Variants in IL1RAPL2 observed in about 807,000 individuals in gnomAD.
IL1RAPL2 encodes X-linked interleukin-1 receptor accessory protein-like 2.
In IL1RAPL2, 3 loss-of-function variants were observed where a neutral mutation model predicts 44.1. The ratio of observed to expected loss-of-function variants is 0.07; its 90% CI spans 0.03 to 0.18. IL1RAPL2 has a LOEUF of 0.18. Among genes scored for constraint, IL1RAPL2 ranks in the 10% least tolerant of loss-of-function variants. The probability of loss-of-function intolerance (pLI) is 1.00; values close to 1 mark genes in which losing one functional copy is unlikely to be tolerated. For missense variants in IL1RAPL2, 391 were observed against 496.4 expected (o/e 0.79, Z 2.02); for synonymous variants, 181 against 178.8 (o/e 1.01, Z -0.10).
At chrX:105,502,644 C>G (rs1414750437) in intron 6 of IL1RAPL2, among the ~76,000 whole-genome samples, 2 of 111,270 alleles carry the variant, frequency 1.8e-5, no homozygotes, top group African/African-American at 3.3e-5. Context: ...GCTAACCCCC[C>G]AAACCTTTTT....
At chrX:104,977,497 C>T (rs1181465825) in intron 2 of IL1RAPL2, among the ~76,000 whole-genome samples, 1 of 111,885 alleles carries the variant, frequency 8.9e-6, no homozygotes, top group Non-Finnish European at 1.9e-5. Context: ...CTCCACTGAT[C>T]ACTGATTGCC....
intron 2 of IL1RAPL2, among the ~76,000 whole-genome samples, chrX:104,685,788 C>T (rs1930975196): frequency 9.1e-6 from 1 of 109,531 alleles, no homozygotes; most frequent in Middle Eastern, 4.3e-3. Context: ...ATTAGCCAGG[C>T]GTGGTGGTGG....
At chrX:105,441,448 T>C (rs2035919692) in intron 5 of IL1RAPL2, among the ~76,000 whole-genome samples, 1 of 111,346 alleles carries the variant, frequency 9.0e-6, no homozygotes, top group African/African-American at 3.3e-5. Flanking sequence ...TAAATGGAGA[T>C]GAAAGAGAAC....
intron 2 of IL1RAPL2, among the ~76,000 whole-genome samples, chrX:104,848,801 A>G (rs1426221119): frequency 9.1e-6 from 1 of 110,141 alleles, no homozygotes; most frequent in Non-Finnish European, 1.9e-5. Flanking sequence ...TTTTATGTAT[A>G]TTAATAGATG....
intron 2 of IL1RAPL2, among the ~76,000 whole-genome samples, chrX:104,966,119 A>G (rs1382462700): frequency 9.0e-6 from 1 of 110,894 alleles, no homozygotes; most frequent in Non-Finnish European, 1.9e-5. Context: ...ACAGAACAGC[A>G]AAAGCAAGAA....
At chrX:105,728,477 G>A (rs2038371436) in intron 7 of IL1RAPL2, among the ~76,000 whole-genome samples, 1 of 111,863 alleles carries the variant, frequency 8.9e-6, no homozygotes, top group South Asian at 3.6e-4. Flanking sequence ...TAAACAAGTA[G>A]TTCCAGTAAA....
At chrX:105,424,299 C>A (rs947195007) in intron 5 of IL1RAPL2, among the ~76,000 whole-genome samples, 1 of 111,019 alleles carries the variant, frequency 9.0e-6, no homozygotes, top group African/African-American at 3.3e-5. Context: ...AAAGGCAGGA[C>A]AACTCAAAGT....
intron 2 of IL1RAPL2, among the ~76,000 whole-genome samples, chrX:105,073,509 G>A (rs960625753): frequency 9.0e-6 from 1 of 110,568 alleles, no homozygotes; most frequent in African/African-American, 3.3e-5. Context: ...AAACATATGT[G>A]TGCATGTGTC....
At position 105,190,398 on chromosome X, in the gene IL1RAPL2, G is replaced by A. The variant is rs782408411; in HGVS notation, c.83-5077G>A. Among the ~76,000 whole-genome samples the A allele has an allele frequency of 9.8e-5, 11 of 112,429 alleles. No homozygotes were observed. The Middle Eastern group carries it at 0.028, about 283-fold the overall frequency. On this transcript the variant is annotated intron_variant, in intron 2 of 10. Coordinates refer to ENST00000372582, the MANE Select transcript of IL1RAPL2 (RefSeq NM_017416.2). ...TCCTTAGTTTTAAAGCTTATGTGGG[G>A]AAAACATGTAAAACAAAAACTTGGA...
intron 2 of IL1RAPL2, among the ~76,000 whole-genome samples, chrX:105,158,249 C>T (rs1392949164): frequency 1.8e-5 from 2 of 111,264 alleles, no homozygotes; most frequent in Non-Finnish European, 3.8e-5. Flanking sequence ...CCCAGCTACT[C>T]AGGAGGCTAA....
intron 1 of IL1RAPL2, among the ~76,000 whole-genome samples, chrX:104,636,637 C>T (rs1042587528): frequency 8.9e-6 from 1 of 112,075 alleles, no homozygotes; most frequent in African/African-American, 3.2e-5. Flanking sequence ...TAGGACCCTC[C>T]AAGCCATGCA....
intron 2 of IL1RAPL2, among the ~76,000 whole-genome samples, chrX:104,893,301 T>C (rs1923523729): frequency 8.9e-6 from 1 of 111,946 alleles, no homozygotes; most frequent in Non-Finnish European, 1.9e-5. Flanking sequence ...TAGATGTCTA[T>C]TAGGTCCACT....
At chrX:105,315,578 GTATATATATATATA>G (rs771525814) in intron 5 of IL1RAPL2, among the ~76,000 whole-genome samples, 5 of 21,815 alleles carry the variant, frequency 2.3e-4, no homozygotes, top group Non-Finnish European at 5.0e-4. Context: ...ACTAATGGAT[GTATATATATATATA>G]TATATATATG....
intron 5 of IL1RAPL2, among the ~76,000 whole-genome samples, chrX:105,384,142 G>A (rs976759567): frequency 1.8e-5 from 2 of 110,644 alleles, no homozygotes; most frequent in African/African-American, 6.6e-5. Context: ...TTTTTGCTTT[G>A]GTTGCCTGTG....
At chrX:105,353,569 G>T (rs2035175497) in intron 5 of IL1RAPL2, among the ~76,000 whole-genome samples, 1 of 111,655 alleles carries the variant, frequency 9.0e-6, no homozygotes, top group African/African-American at 3.3e-5. Context: ...CATGAGCATG[G>T]AATGTTCTTC....
At chrX:105,319,144 G>C (rs754544614) in intron 5 of IL1RAPL2, among the ~76,000 whole-genome samples, 1 of 111,821 alleles carries the variant, frequency 8.9e-6, no homozygotes, top group Non-Finnish European at 1.9e-5. Flanking sequence ...GCTTTGAGAT[G>C]AGCTTTTTCT....
intron 2 of IL1RAPL2, among the ~76,000 whole-genome samples, chrX:105,115,710 C>T (rs774081425): frequency 5.3e-5 from 6 of 113,134 alleles, no homozygotes; most frequent in Middle Eastern, 4.6e-3. Flanking sequence ...CGCACTGGGC[C>T]GCAGGTGGAG....
intron 2 of IL1RAPL2, among the ~76,000 whole-genome samples, chrX:104,907,121 T>C (rs1387132934): frequency 1.8e-5 from 2 of 111,236 alleles, no homozygotes; most frequent in Non-Finnish European, 3.8e-5. Context: ...TGATGGTAGT[T>C]TGTATTTCTG....
intron 2 of IL1RAPL2, among the ~76,000 whole-genome samples, chrX:104,673,353 G>A (rs1376843577): frequency 1.8e-5 from 2 of 111,162 alleles, no homozygotes; most frequent in African/African-American, 6.6e-5. Flanking sequence ...ATTAAATAGG[G>A]AATCCTTTCC....
Sources: allele counts gnomAD v4.1 joint callset (sites outside exome capture counted in the v4.1 genomes callset), GRCh38; gene constraint gnomAD v4.1.1; transcripts MANE v1.5; gene names NCBI Gene and HGNC (gene_info 2026-07-23, HGNC 2026-07-21).